Variants in SH3GL2 observed in about 807,000 individuals in gnomAD.
SH3GL2 encodes endophilin-A1.
Under a neutral mutation model 46.0 loss-of-function variants are expected in SH3GL2, and 24 were observed. The observed-to-expected ratio is 0.52, with a 90% CI of 0.38 to 0.73. The LOEUF is 0.73. SH3GL2 is among the 30% of genes least tolerant of loss of function. The pLI is 0.00. For missense variants in SH3GL2, 413 were observed against 424.2 expected, an observed-to-expected ratio of 0.97 and a Z score of 0.23; for synonymous variants, 196 against 147.1, an observed-to-expected ratio of 1.33 and a Z score of -2.40.
rs963939337 is a variant in SH3GL2 at position 17,591,970 on chromosome 9, C to G, written c.45+12683C>G. 2.0e-5 allele frequency among the ~76,000 whole-genome samples: 3 copies of G among 152,194 alleles called. No homozygotes were observed. In the East Asian group the frequency reaches 5.8e-4, roughly 29 times the overall value. On this transcript the variant is annotated intron_variant, in intron 1 of 8. Coordinates refer to ENST00000380607, the MANE Select transcript of SH3GL2 (RefSeq NM_003026.5). The stretch of plus-strand genomic sequence containing the variant: ...ACTATATAAGGGTTCACCAGCAAAA[C>G]AGAACCAACATGATATGTAGATACA...
chr9:17,634,925 G>T (rs1287624907), intron 1 of SH3GL2, among the ~76,000 whole-genome samples: 2 of 152,160 alleles, frequency 1.3e-5, no homozygotes, highest in African/African-American at 4.8e-5. Context: ...GGGAAGCATA[G>T]GATTCAGTGC....
At chr9:17,679,223 A>G (rs1424428958) in intron 1 of SH3GL2, among the ~76,000 whole-genome samples, 7 of 152,218 alleles carry the variant, frequency 4.6e-5, no homozygotes, top group Admixed American at 2.6e-4. Context: ...TACCTTGGGC[A>G]GTATGGCTAT....
intron 1 of SH3GL2, among the ~76,000 whole-genome samples, chr9:17,741,291 CAT>C (rs1000644111): frequency 4.5e-4 from 69 of 152,224 alleles, no homozygotes; most frequent in African/African-American, 1.4e-3. Flanking sequence ...CATTTGCCTA[CAT>C]ATGTGTGTGT....
At chr9:17,761,036 C>T (rs1563843252) in intron 2 of SH3GL2, among the ~76,000 whole-genome samples, 1 of 152,210 alleles carries the variant, frequency 6.6e-6, no homozygotes, top group Admixed American at 6.5e-5. Flanking sequence ...CTCCCCACTT[C>T]TTGAATAAGC....
Position 17,748,860 on chromosome 9 carries a change from G to C in SH3GL2, c.114+1726G>C, listed in dbSNP as rs73414643. Among the ~76,000 whole-genome samples the C allele has an allele frequency of 7.8e-3, 1,188 of 152,226 alleles. 17 individuals carry two copies. Among genetic ancestry groups the C allele is most frequent in the African/African-American group, 0.027 (1,139 of 41,530 alleles). ...CTTCCTGATAGTTAAGTGAAGATGG[G>C]AAAGAGTTAGCAGAGCCTGGTAAAG... is the stretch of plus-strand genomic sequence containing the variant. On this transcript the variant is annotated intron_variant, in intron 2 of 8. Transcript: ENST00000380607.
chr9:17,666,313 T>A (rs1820339696), intron 1 of SH3GL2, among the ~76,000 whole-genome samples: 1 of 152,050 alleles, frequency 6.6e-6, no homozygotes, highest in South Asian at 2.1e-4. Flanking sequence ...GTTGATTTTA[T>A]TTATTTGGAT....
At chr9:17,652,076 A>G (rs889114193) in intron 1 of SH3GL2, among the ~76,000 whole-genome samples, 7 of 152,174 alleles carry the variant, frequency 4.6e-5, no homozygotes, top group African/African-American at 1.2e-4. Context: ...TTCTGCTTAC[A>G]TCTTTATTTT....
At chr9:17,727,872 A>G (rs1486097022) in intron 1 of SH3GL2, among the ~76,000 whole-genome samples, 5 of 151,972 alleles carry the variant, frequency 3.3e-5, no homozygotes, top group East Asian at 1.9e-4. Context: ...TGCTGGAACC[A>G]TCACCCAGAT....
intron 1 of SH3GL2, among the ~76,000 whole-genome samples, chr9:17,610,748 C>T (rs986848302): frequency 1.3e-5 from 2 of 151,546 alleles, no homozygotes; most frequent in East Asian, 1.9e-4. Flanking sequence ...TTAATAAAAG[C>T]GAATATCTTC....
intron 1 of SH3GL2, among the ~76,000 whole-genome samples, chr9:17,602,608 TA>T (rs923180408): frequency 1.3e-5 from 2 of 152,116 alleles, no homozygotes; most frequent in African/African-American, 2.4e-5. Context: ...CCTGGCAGTA[TA>T]AAAAAACTTT....
Position 17,791,345 on chromosome 9 carries a change from G to T in SH3GL2, c.728+11G>T, listed in dbSNP as rs377485158. ...CAGACTGGAAGAAAGGTATTCTACAGTTCCCTGCATTTCACATTTGCATTT... is the reference window on the plus strand; with the variant it reads ...CAGACTGGAAGAAAGGTATTCTACATTTCCCTGCATTTCACATTTGCATTT... On this transcript the variant is annotated intron_variant, in intron 7 of 8. Coordinates refer to ENST00000380607, the MANE Select transcript of SH3GL2 (RefSeq NM_003026.5). 1.3e-6 allele frequency: 2 copies of T among 1,529,824 alleles called. No homozygotes were observed. The highest frequency in any genetic ancestry group is 1.4e-5 in the African/African-American group (1 of 73,280). 94.8% of individuals were successfully genotyped at this position (1,529,824 alleles called of 1,614,324 possible). A position where few individuals can be genotyped will look rare whatever the true frequency, so the allele number is the denominator to read the frequency against.
chr9:17,785,240 A>G (rs1428245088), intron 3 of SH3GL2, among the ~76,000 whole-genome samples: 1 of 152,106 alleles, frequency 6.6e-6, no homozygotes, highest in Non-Finnish European at 1.5e-5. Context: ...ACTCTCCTCA[A>G]TCCCCCATCA....
At chr9:17,788,902 T>TA (rs78232839) in intron 5 of SH3GL2, among the ~76,000 whole-genome samples, 29,181 of 152,196 alleles carry the variant, frequency 0.19, 3,622 homozygotes, top group East Asian at 0.52. Flanking sequence ...ATGAGCAACT[T>TA]ACGTGATTCT....
intron 3 of SH3GL2, among the ~76,000 whole-genome samples, chr9:17,771,517 A>G (rs1823481027): frequency 6.6e-6 from 1 of 152,006 alleles, no homozygotes; most frequent in African/African-American, 2.4e-5. Context: ...ATTTACCACC[A>G]CCCTCTATTT....
chr9:17,682,384 A>T (rs1482277720), intron 1 of SH3GL2, among the ~76,000 whole-genome samples: 1 of 152,206 alleles, frequency 6.6e-6, no homozygotes, highest in Admixed American at 6.5e-5. Context: ...CAGCTATGTG[A>T]AGGAATGAGA....
chr9:17,790,531 A>G (rs775658703), intron 6 of SH3GL2: 2 of 380,262 alleles, frequency 5.3e-6, no homozygotes, highest in Non-Finnish European at 7.2e-6. Context: ...TACTGTGTGC[A>G]TGAGGGGTGC....
intron 1 of SH3GL2, among the ~76,000 whole-genome samples, chr9:17,736,118 C>G (rs977917725): frequency 6.6e-6 from 1 of 152,012 alleles, no homozygotes; most frequent in Admixed American, 6.6e-5. Context: ...CCTTCTTAAG[C>G]AATGATGAGC....
At chr9:17,713,972 G>C (rs1821689871) in intron 1 of SH3GL2, among the ~76,000 whole-genome samples, 1 of 151,732 alleles carries the variant, frequency 6.6e-6, no homozygotes, top group Middle Eastern at 3.4e-3. Context: ...TGAGAAAAGG[G>C]TACTGAAATC....
At chr9:17,760,500 A>G (rs983646167) in intron 2 of SH3GL2, among the ~76,000 whole-genome samples, 7 of 152,074 alleles carry the variant, frequency 4.6e-5, no homozygotes, top group Non-Finnish European at 1.0e-4. Flanking sequence ...ATACTGGTAT[A>G]TATTATATAC....
Sources: gnomAD v4.1 joint callset for allele counts (sites outside exome capture counted in the v4.1 genomes callset) on GRCh38, gnomAD v4.1.1 for gene constraint, MANE v1.5 for transcripts, NCBI Gene and HGNC (gene_info 2026-07-23, HGNC 2026-07-21) for gene names.